ACAT2: variants seen among roughly 807,000 people sequenced by gnomAD.
ACAT2 encodes acetyl-CoA acetyltransferase 2.
Under a neutral mutation model 37.1 loss-of-function variants are expected in ACAT2, and 26 were observed. That is an observed-to-expected ratio of 0.70 (90% CI 0.51 to 0.97). The LOEUF is 0.97. ACAT2 is among the 50% of genes least tolerant of loss of function. The pLI is 0.00. For missense variants in ACAT2, 468 were observed against 489.0 expected (o/e 0.96, Z 0.40); for synonymous variants, 156 against 163.6 (o/e 0.95, Z 0.35).
At position 159,767,025 on chromosome 6, in the gene ACAT2, A is replaced by G; in HGVS notation, c.211A>G (p.Arg71Gly). The G allele has an allele frequency of 6.2e-7, 1 of 1,614,032 alleles. No homozygotes were observed. The highest frequency in any genetic ancestry group is 1.1e-5 in the South Asian group (1 of 91,080). ...TCTAGGCTGTGGGCAGAATCCTGTT[A>G]GACAAGCCAGTGTGGGTGCAGGAAT... ...LAAGCGQNPVRQASVGAGIPY... is the reference protein window; with the variant it reads ...LAAGCGQNPVGQASVGAGIPY... Residue 71 changes from arginine to glycine, a missense_variant, in exon 3 of 9, where the codon AGA (arginine) becomes GGA (glycine). Transcript: ENST00000367048.
chr6:159,762,627 G>A, intron 1 of ACAT2: 1 of 1,421,478 alleles, frequency 7.0e-7, no homozygotes, highest in Non-Finnish European at 9.3e-7. Flanking sequence ...GGTTCCTTTT[G>A]TTTGGGAAGC....
chr6:159,775,129 CATGAAA>C (rs753057472), intron 4 of ACAT2, 35 bp from the exon 5 acceptor site: 1 of 1,608,100 alleles, frequency 6.2e-7, no homozygotes, highest in Non-Finnish European at 8.5e-7. Context: ...AATGCCAGTT[CATGAAA>C]ATGTTAGTTT....
At chr6:159,770,695 A>T (rs1403577547) in intron 4 of ACAT2, among the ~76,000 whole-genome samples, 1 of 152,182 alleles carries the variant, frequency 6.6e-6, no homozygotes, top group Non-Finnish European at 1.5e-5. Flanking sequence ...CATCTTGGAG[A>T]CAGAAGAAAA....
At chr6:159,772,020 T>C (rs1780345992) in intron 4 of ACAT2, among the ~76,000 whole-genome samples, 1 of 152,110 alleles carries the variant, frequency 6.6e-6, no homozygotes, top group Non-Finnish European at 1.5e-5. Flanking sequence ...GGTCAGGAGA[T>C]TGAGACCATC....
chr6:159,767,008 G>T lies in ACAT2; in HGVS notation c.194G>T (p.Cys65Phe). The T allele has an allele frequency of 6.2e-7, 1 of 1,613,980 alleles. No individual in the cohort carries two copies. The highest frequency in any genetic ancestry group is 8.5e-7 in the Non-Finnish European group (1 of 1,179,872). ...VIFGHVLAAGCGQNPVRQASV... is the reference protein window; with the variant it reads ...VIFGHVLAAGFGQNPVRQASV... The stretch of plus-strand genomic sequence containing the variant: ...TCCTCTGTGTTCCTCTTTCTAGGCT[G>T]TGGGCAGAATCCTGTTAGACAAGCC... The change falls in exon 3 of 9, where the codon TGT becomes TTT. Residue 65 changes from cysteine to phenylalanine, a missense_variant. Coordinates refer to ENST00000367048, the MANE Select transcript of ACAT2 (RefSeq NM_005891.3).
At chr6:159,778,365 G>A in intron 8 of ACAT2, 85 bp downstream of exon 8, 1 of 822,958 alleles carries the variant, frequency 1.2e-6, no homozygotes, top group Non-Finnish European at 1.8e-6. Context: ...TGTTGGCCAT[G>A]TGGGTAATAG....
chr6:159,774,893 G>A (rs1780389324), intron 4 of ACAT2, among the ~76,000 whole-genome samples: 1 of 152,204 alleles, frequency 6.6e-6, no homozygotes, highest in South Asian at 2.1e-4. Flanking sequence ...CAAATGGAGG[G>A]AAAATATAAA....
At chr6:159,771,186 C>T (rs1345510777) in intron 4 of ACAT2, among the ~76,000 whole-genome samples, 1 of 151,914 alleles carries the variant, frequency 6.6e-6, no homozygotes, top group Non-Finnish European at 1.5e-5. Context: ...GTTTGAGACC[C>T]ACATGACCAA....
chr6:159,762,287 C>T (rs549791173), intron 1 of ACAT2, 145 bp downstream of exon 1: 12 of 1,247,624 alleles, frequency 9.6e-6, no homozygotes, highest in Non-Finnish European at 1.2e-5. Context: ...TCCCTGGAAC[C>T]CTGCGGCTCC....
chr6:159,762,254 C>A (rs1480770340), intron 1 of ACAT2, 112 bp downstream of exon 1: 2 of 1,383,838 alleles, frequency 1.4e-6, no homozygotes, highest in Admixed American at 5.4e-5. Flanking sequence ...GCCGGTCAGG[C>A]CAAGCCGCGA....
In ACAT2 at chr6:159,778,293, AAGTAACCCTG is replaced by A. The variant is rs768027741; in HGVS notation, c.1023+16_1023+25del. The A allele has an allele frequency of 4.5e-6, 7 of 1,555,660 alleles. No homozygotes were observed. The African/African-American group carries it at 9.5e-5, about 21-fold the overall frequency. On this transcript the variant is annotated intron_variant, in intron 8 of 8. Transcript: ENST00000367048. ...AAACCCAGAGAAGGTAAAGATGCACAAGTAACCCTGAGAGCTTACCAGTGAATTTCACAAT... is the reference window on the plus strand; with the variant it reads ...AAACCCAGAGAAGGTAAAGATGCACAAGAGCTTACCAGTGAATTTCACAAT...
chr6:159,778,152 TATGA>T lies in ACAT2; in HGVS notation c.913-15_913-12del. ...TCCACCCAAGTTTAGACCTCTTTTC[TATGA>T]ATCTTTCCTCTAGGTTACAAAAGCA... is the stretch of plus-strand genomic sequence containing the variant. On this transcript the variant is annotated splice_polypyrimidine_tract_variant and intron_variant, in intron 7 of 8. Transcript: ENST00000367048. 2 of 1,566,136 alleles carry T rather than the reference TATGA, an allele frequency of 1.3e-6. No homozygotes were observed. Among genetic ancestry groups the T allele is most frequent in the Non-Finnish European group, 1.8e-6 (2 of 1,141,700 alleles).
At chr6:159,766,914 G>A (rs919480817) in intron 2 of ACAT2, 91 bp from the exon 3 acceptor site, 4 of 1,516,566 alleles carry the variant, frequency 2.6e-6, no homozygotes, top group Admixed American at 1.7e-5. Context: ...GAAGTGGCAG[G>A]TAACCCAACT....
chr6:159,770,381 T>C (rs949824477), intron 4 of ACAT2, among the ~76,000 whole-genome samples: 4 of 152,224 alleles, frequency 2.6e-5, no homozygotes, highest in Admixed American at 2.6e-4. Context: ...ATTTTACATA[T>C]GTTTAAAGAT....
rs1450205312 is a variant in ACAT2 at position 159,778,230 on chromosome 6, G to A, written c.973G>A (p.Ala325Thr). ...VDIFEINEAFAAVSAAIVKEL... is the reference protein window; with the variant it reads ...VDIFEINEAFTAVSAAIVKEL... ...CATATTTGAAATCAATGAAGCCTTT[G>A]CAGCTGTCTCTGCTGCAATAGTTAA... The change falls in exon 8 of 9, where the codon GCA becomes ACA. Residue 325 changes from alanine to threonine, a missense_variant. Transcript: ENST00000367048. 1.9e-6 allele frequency: 3 copies of A among 1,612,420 alleles called. No individual in the cohort carries two copies. Among genetic ancestry groups the A allele is most frequent in the African/African-American group, 2.7e-5 (2 of 74,884 alleles).
chr6:159,775,040 C>A (rs1000550825), intron 4 of ACAT2, 130 bp from the exon 5 acceptor site: 1 of 1,043,374 alleles, frequency 9.6e-7, no homozygotes, highest in Non-Finnish European at 1.4e-6. Flanking sequence ...CCACACAGAG[C>A]ATTGCACAGG....
chr6:159,778,601 A>C (rs987193570), intron 8 of ACAT2, 58 bp from the exon 9 acceptor site: 1 of 1,568,900 alleles, frequency 6.4e-7, no homozygotes, highest in Non-Finnish European at 8.7e-7. Flanking sequence ...GACAAGTTTA[A>C]GATTTTAAAC....
In ACAT2 at chr6:159,778,854, A is replaced by C. The variant is rs1403299829; in HGVS notation, c.*25A>C. ...AATTGCTTAAACTTTGAACAACCTC[A>C]ATTTCTTTTTAAACTAATAAAGTAC... is the stretch of plus-strand genomic sequence containing the variant. On this transcript the variant is annotated 3_prime_UTR_variant, in exon 9 of 9. Transcript: ENST00000367048. 1.2e-6 allele frequency: 2 copies of C among 1,613,606 alleles called. No individual in the cohort carries two copies. Among genetic ancestry groups the C allele is most frequent in the Non-Finnish European group, 1.7e-6 (2 of 1,179,664 alleles).
chr6:159,770,106 T>C (rs1780312585), intron 4 of ACAT2, among the ~76,000 whole-genome samples: 1 of 152,206 alleles, frequency 6.6e-6, no homozygotes, highest in African/African-American at 2.4e-5. Context: ...CCCAAACTAA[T>C]AAGCTTAAAA....
Sources: gnomAD v4.1 joint callset for allele counts (sites outside exome capture counted in the v4.1 genomes callset) on GRCh38, gnomAD v4.1.1 for gene constraint, MANE v1.5 for transcripts, NCBI Gene and HGNC (gene_info 2026-07-23, HGNC 2026-07-21) for gene names.